Variants in FRMD3 observed in about 807,000 individuals in gnomAD.
FRMD3 encodes the protein FERM domain containing 3.
Under a neutral mutation model 70.2 loss-of-function variants are expected in FRMD3, and 33 were observed. The observed-to-expected ratio is 0.47, with a 90% CI of 0.36 to 0.63. The LOEUF is 0.63. Ranked by LOEUF, FRMD3 falls within the 20% of genes least tolerant of loss-of-function variation. The probability of loss-of-function intolerance (pLI) is 0.00; values close to 1 mark genes in which losing one functional copy is unlikely to be tolerated. For missense variants in FRMD3, 632 were observed against 711.4 expected, an observed-to-expected ratio of 0.89 and a Z score of 1.27; for synonymous variants, 279 against 255.9, an observed-to-expected ratio of 1.09 and a Z score of -0.86.
chr9:83,362,657 T>C (rs968152400), intron 3 of FRMD3, among the ~76,000 whole-genome samples: 24 of 152,216 alleles, frequency 1.6e-4, no homozygotes, highest in African/African-American at 5.8e-4. Flanking sequence ...GTGGAGAGCT[T>C]GTTTAGAAGA....
chr9:83,564,558 A>T, the FRMD3 span, among the ~76,000 whole-genome samples: 3 of 152,206 alleles, frequency 2.0e-5, no homozygotes, highest in Non-Finnish European at 4.4e-5. Flanking sequence ...AAATCAAAAA[A>T]CTGAGTCCGT....
intron 12 of FRMD3, 126 bp from the exon 13 acceptor site, chr9:83,290,853 G>A (rs1428149457): frequency 2.3e-5 from 22 of 974,296 alleles, no homozygotes; most frequent in Non-Finnish European, 3.2e-5. Flanking sequence ...AGTGAATTGA[G>A]CCAGTAGTAA....
chr9:83,507,092 G>C (rs997784486), intron 1 of FRMD3, among the ~76,000 whole-genome samples: 3 of 152,164 alleles, frequency 2.0e-5, no homozygotes, highest in African/African-American at 7.2e-5. Context: ...CAGGTGCAGT[G>C]GCTCACACCT....
downstream of FRMD3, chr9:83,243,128 T>C (rs1404857680): frequency 2.8e-5 from 41 of 1,474,716 alleles, no homozygotes; most frequent in Non-Finnish European, 3.4e-5. Flanking sequence ...ACCCACCCAG[T>C]CACAGACGGA....
At position 83,393,949 on chromosome 9, in the gene FRMD3, G is replaced by GTT. The variant is rs372574147; in HGVS notation, c.148-4243_148-4242dup. Among the ~76,000 whole-genome samples the GTT allele has an allele frequency of 2.2e-3, 326 of 146,442 alleles. 1 individual carries two copies. The highest frequency in any genetic ancestry group is 8.2e-3 in the African/African-American group (312 of 38,120). ...GATTTTGTTTTTTTTTGTTGTTGTT[G>GTT]TTTTTTTTTACAAATATTGGTCCAA... On this transcript the variant is annotated intron_variant, in intron 1 of 13. Transcript: ENST00000304195.
chr9:83,383,441 T>TGA (rs1825418671), intron 2 of FRMD3, among the ~76,000 whole-genome samples: 9 of 152,244 alleles, frequency 5.9e-5, no homozygotes, highest in Admixed American at 6.5e-5. Context: ...AATAGTCATT[T>TGA]TCTAACCTAT....
At chr9:83,364,449 A>G (rs2131234205) in intron 3 of FRMD3, among the ~76,000 whole-genome samples, 1 of 152,006 alleles carries the variant, frequency 6.6e-6, no homozygotes, top group East Asian at 1.9e-4. Context: ...CCAGCTACTC[A>G]GGAGGCTGAG....
rs1564047655 is a variant in FRMD3, at chr9:83,378,735, AC to A, written c.253-5781del. Among the ~76,000 whole-genome samples the A allele has an allele frequency of 2.4e-3, 278 of 116,192 alleles. 4 individuals are homozygous for A. Among genetic ancestry groups the A allele is most frequent in the African/African-American group, 9.0e-3 (263 of 29,166 alleles). 76.2% of individuals were successfully genotyped at this position (116,192 alleles called of 152,430 possible). On this transcript the variant is annotated intron_variant, in intron 2 of 13. Transcript: ENST00000304195. The stretch of plus-strand genomic sequence containing the variant: ...ACTTTATATTATATATAATATATAT[AC>A]TTTATATTATATATAATATATAATT...
chr9:83,366,082 G>A (rs1824775713), intron 3 of FRMD3, among the ~76,000 whole-genome samples: 1 of 152,086 alleles, frequency 6.6e-6, no homozygotes, highest in African/African-American at 2.4e-5. Flanking sequence ...GAATGTACAT[G>A]AGAGAGAGGT....
intron 1 of FRMD3, among the ~76,000 whole-genome samples, chr9:83,453,465 G>A (rs1240181803): frequency 3.3e-5 from 5 of 151,816 alleles, no homozygotes; most frequent in South Asian, 2.1e-4. Flanking sequence ...GTTTGGATAC[G>A]GGATATGTTA....
intron 3 of FRMD3, among the ~76,000 whole-genome samples, chr9:83,358,207 A>T (rs1000639534): frequency 9.9e-5 from 15 of 151,948 alleles, no homozygotes; most frequent in South Asian, 2.1e-4. Flanking sequence ...TCCCCACTTT[A>T]CGTTTTTGTT....
chr9:83,373,077 T>C (rs1825032162), intron 2 of FRMD3, 122 bp from the exon 3 acceptor site: 6 of 765,706 alleles, frequency 7.8e-6, no homozygotes, highest in Middle Eastern at 2.3e-4. Context: ...CTCTCCAGAA[T>C]TCCACACTCT....
chr9:83,308,063 C>G (rs147979277), intron 10 of FRMD3, among the ~76,000 whole-genome samples: 35 of 152,284 alleles, frequency 2.3e-4, no homozygotes, highest in African/African-American at 8.2e-4. Flanking sequence ...ATCACCTTCT[C>G]CAATCATTCC....
intron 1 of FRMD3, among the ~76,000 whole-genome samples, chr9:83,444,719 G>T (rs1474511733): frequency 6.6e-6 from 1 of 152,180 alleles, no homozygotes; most frequent in Non-Finnish European, 1.5e-5. Context: ...ATTTGCTTCT[G>T]CCTTTGCTGT....
intron 1 of FRMD3, among the ~76,000 whole-genome samples, chr9:83,391,298 T>C (rs528914812): frequency 8.5e-5 from 13 of 152,348 alleles, no homozygotes; most frequent in Non-Finnish European, 1.6e-4. Flanking sequence ...GACAAAGCTA[T>C]ACCTAACAGC....
intron 12 of FRMD3, among the ~76,000 whole-genome samples, chr9:83,294,017 C>A (rs1282573193): frequency 1.3e-5 from 2 of 152,208 alleles, no homozygotes; most frequent in East Asian, 3.9e-4. Context: ...CAGGCCAAGT[C>A]TCCCACCTTT....
At chr9:83,446,390 G>A (rs1827463859) in intron 1 of FRMD3, among the ~76,000 whole-genome samples, 1 of 152,210 alleles carries the variant, frequency 6.6e-6, no homozygotes, top group South Asian at 2.1e-4. Context: ...GCTCACGCAT[G>A]TAATCCCAGC....
chr9:83,264,948 C>A (rs1184493955), intron 13 of FRMD3, among the ~76,000 whole-genome samples: 3 of 151,898 alleles, frequency 2.0e-5, no homozygotes, highest in Admixed American at 1.3e-4. Flanking sequence ...TTATTATCAG[C>A]AATTTCATAG....
In FRMD3 at chr9:83,246,877, A is replaced by G; in HGVS notation, c.*1041T>C. On this transcript the variant is annotated 3_prime_UTR_variant, in exon 14 of 14. Coordinates refer to ENST00000304195, the MANE Select transcript of FRMD3 (RefSeq NM_174938.6). ...CGCTGGCATCACCATCACTTTCATA[A>G]AATAGACCATTCGCCTGTCACCATT... The G allele has an allele frequency of 1.0e-6, 1 of 985,328 alleles. No homozygotes were observed. Among genetic ancestry groups the G allele is most frequent in the African/African-American group, 1.7e-5 (1 of 57,308 alleles). 61.0% of individuals were successfully genotyped at this position (985,328 alleles called of 1,614,324 possible).
Sources: allele counts gnomAD v4.1 joint callset (sites outside exome capture counted in the v4.1 genomes callset), GRCh38; gene constraint gnomAD v4.1.1; transcripts MANE v1.5; gene names NCBI Gene and HGNC (gene_info 2026-07-23, HGNC 2026-07-21).